Variants in ABCA4 observed in about 807,000 individuals in gnomAD.
The protein encoded by ABCA4 is retinal-specific phospholipid-transporting ATPase ABCA4.
In ABCA4, 196 loss-of-function variants were observed where a neutral mutation model predicts 263.7. The observed-to-expected ratio is 0.74, with a 90% CI of 0.66 to 0.84. The LOEUF is 0.84. Among genes scored for constraint, ABCA4 ranks in the 40% least tolerant of loss-of-function variants. The pLI, the probability that ABCA4 is intolerant of heterozygous loss-of-function variation, is 0.00. For missense variants in ABCA4, 2,792 were observed against 2,855.1 expected, an observed-to-expected ratio of 0.98 and a Z score of 0.50; for synonymous variants, 1,133 against 1,094.2, an observed-to-expected ratio of 1.04 and a Z score of -0.70.
chr1:94,033,174 C>A (rs1660250394), intron 26 of ABCA4, among the ~76,000 whole-genome samples: 2 of 152,146 alleles, frequency 1.3e-5, no homozygotes, highest in African/African-American at 4.8e-5. Flanking sequence ...AATCCCAGCA[C>A]TTTGGGAGGC....
At chr1:94,004,825 T>C (rs1659326848) in intron 44 of ABCA4, among the ~76,000 whole-genome samples, 1 of 152,262 alleles carries the variant, frequency 6.6e-6, no homozygotes, top group Non-Finnish European at 1.5e-5. Flanking sequence ...TTCTGGTTTA[T>C]CCTTTCTACG....
chr1:94,053,921 T>G (rs954267336), intron 16 of ABCA4, among the ~76,000 whole-genome samples: 5 of 152,204 alleles, frequency 3.3e-5, no homozygotes, highest in African/African-American at 1.2e-4. Context: ...TGCCCTGAGA[T>G]GATCTGAGAG....
rs1280742023 is a variant in ABCA4 at position 94,083,424 on chromosome 1, G to C, written c.786C>G (p.Asp262Glu). 1.2e-6 allele frequency: 2 copies of C among 1,613,482 alleles called. No homozygotes were observed. The highest frequency in any genetic ancestry group is 2.2e-5 in the East Asian group (1 of 44,854). The change falls in exon 7 of 50, where the codon GAC becomes GAG. Residue 262 changes from aspartate (D) to glutamate (E), a missense_variant. Asp to Glu is a conservative substitution (Grantham distance 45, BLOSUM62 2). Coordinates refer to ENST00000370225, the MANE Select transcript of ABCA4 (RefSeq NM_000350.3). ...TCAGATTGATACCTTGAGAACGGCT[G>C]TCTAGGAGTGTGGGAAGCTGTAATT... ...KLFRVLPTLL[D>E]SRSQGINLRS... is the part of the protein sequence containing the mutation.
chr1:94,025,475 C>G (rs1660015872), intron 30 of ABCA4: 1 of 299,600 alleles, frequency 3.3e-6, no homozygotes, highest in South Asian at 3.5e-5. Context: ...CTTACTTATC[C>G]ACTCCAATAA....
At chr1:94,106,885 T>C (rs1191705039) in intron 4 of ABCA4, among the ~76,000 whole-genome samples, 2 of 152,060 alleles carry the variant, frequency 1.3e-5, no homozygotes, top group East Asian at 3.9e-4. Context: ...ACACGCGCTG[T>C]GGTCATTTTC....
intron 14 of ABCA4, among the ~76,000 whole-genome samples, chr1:94,060,047 T>C (rs1339101088): frequency 6.6e-6 from 1 of 152,170 alleles, no homozygotes; most frequent in Non-Finnish European, 1.5e-5. Context: ...GGTGAAGCCA[T>C]GTAGGAGGTG....
chr1:94,088,789 G>A (rs996584840), intron 6 of ABCA4, among the ~76,000 whole-genome samples: 3 of 152,124 alleles, frequency 2.0e-5, no homozygotes, highest in African/African-American at 7.2e-5. Flanking sequence ...AAGAAGCTAT[G>A]CAGACAAAAA....
At chr1:94,056,398 C>T (rs188306056) in intron 15 of ABCA4, among the ~76,000 whole-genome samples, 157 of 152,322 alleles carry the variant, frequency 1.0e-3, no homozygotes, top group African/African-American at 3.5e-3. Flanking sequence ...ATCAAGCAGG[C>T]GTGGTGAGGA....
chr1:94,088,785 C>T (rs1444890352), intron 6 of ABCA4, among the ~76,000 whole-genome samples: 1 of 152,114 alleles, frequency 6.6e-6, no homozygotes, highest in African/African-American at 2.4e-5. Flanking sequence ...TCCAAAGAAG[C>T]TATGCAGACA....
chr1:94,024,923 G>T, intron 31 of ABCA4, 31 bp downstream of exon 31: 1 of 1,555,140 alleles, frequency 6.4e-7, no homozygotes, highest in Non-Finnish European at 8.9e-7. Flanking sequence ...CAGGGAGCCA[G>T]GATAAAAAGC....
chr1:94,101,536 C>A (rs1284323611), intron 5 of ABCA4, among the ~76,000 whole-genome samples: 1 of 152,202 alleles, frequency 6.6e-6, no homozygotes, highest in Non-Finnish European at 1.5e-5. Flanking sequence ...AGTGTGAGAA[C>A]CTGCTTCCAG....
intron 26 of ABCA4, among the ~76,000 whole-genome samples, chr1:94,035,637 G>A (rs955303069): frequency 2.0e-5 from 3 of 152,220 alleles, no homozygotes; most frequent in African/African-American, 7.2e-5. Flanking sequence ...CTGGAAAGAA[G>A]GAGGTAACTG....
At chr1:94,000,419 A>G (rs984920884) in intron 47 of ABCA4, among the ~76,000 whole-genome samples, 3 of 152,240 alleles carry the variant, frequency 2.0e-5, no homozygotes, top group African/African-American at 4.8e-5. Flanking sequence ...AGCATACAAT[A>G]TTCTAAAAAC....
chr1:94,005,192 T>A (rs973519612), intron 44 of ABCA4, among the ~76,000 whole-genome samples: 6 of 152,220 alleles, frequency 3.9e-5, no homozygotes, highest in Admixed American at 3.3e-4. Context: ...GATTGCTGAG[T>A]CAGAGGATAA....
intron 26 of ABCA4, among the ~76,000 whole-genome samples, chr1:94,035,476 G>A (rs937627407): frequency 6.6e-6 from 1 of 152,146 alleles, no homozygotes; most frequent in Non-Finnish European, 1.5e-5. Flanking sequence ...TATCTGGGCT[G>A]GTATATGTGT....
At chr1:94,055,046 T>C in intron 16 of ABCA4, 65 bp downstream of exon 16, 1 of 1,439,638 alleles carries the variant, frequency 6.9e-7, no homozygotes, top group Admixed American at 1.7e-5. Flanking sequence ...TTAAACTAGA[T>C]GAATGGAGAG....
rs143491159 is a variant in ABCA4 at position 93,996,774 on chromosome 1, A to G, written c.6730-579T>C. ...TAGATGGATGAACAAAATGTAGCAC[A>G]TATACGTACAAAGGAATATTATTCG... On this transcript the variant is annotated intron_variant, in intron 48 of 49. Coordinates refer to ENST00000370225, the MANE Select transcript of ABCA4 (RefSeq NM_000350.3). Among the ~76,000 whole-genome samples, 546 of 152,382 alleles carry G rather than the reference A, an allele frequency of 3.6e-3. 3 individuals carry two copies. The highest frequency in any genetic ancestry group is 0.011 in the African/African-American group (478 of 41,592).
intron 2 of ABCA4, 123 bp downstream of exon 2, chr1:94,112,850 T>C (rs1042615874): frequency 1.3e-6 from 1 of 775,254 alleles, no homozygotes. Context: ...GTTACATGCA[T>C]CATAGACATG....
chr1:94,117,221 A>G (rs1000525093), intron 1 of ABCA4, among the ~76,000 whole-genome samples: 2 of 151,726 alleles, frequency 1.3e-5, no homozygotes, highest in Non-Finnish European at 2.9e-5. Context: ...TCTGTTTTCA[A>G]TTTAACAGAA....
Sources: allele counts gnomAD v4.1 joint callset (sites outside exome capture counted in the v4.1 genomes callset), GRCh38; gene constraint gnomAD v4.1.1; transcripts MANE v1.5; gene names NCBI Gene and HGNC (gene_info 2026-07-23, HGNC 2026-07-21).